EFCAB5: variants seen among roughly 807,000 people sequenced by gnomAD.
The protein encoded by EFCAB5 is EF-hand calcium binding domain 5, also known as EF-hand calcium-binding domain-containing protein 5.
A neutral mutation model predicts 167.9 loss-of-function variants in EFCAB5; 131 were observed. The observed-to-expected ratio is 0.78, with a 90% CI of 0.68 to 0.90. EFCAB5 has a LOEUF of 0.90. EFCAB5 is among the 40% of genes least tolerant of loss of function. The probability of loss-of-function intolerance (pLI) is 0.00; values close to 1 mark genes in which losing one functional copy is unlikely to be tolerated. For missense variants in EFCAB5, 1,663 were observed against 1,745.2 expected (o/e 0.95, Z 0.84); for synonymous variants, 574 against 602.8 (o/e 0.95, Z 0.70).
In EFCAB5 at chr17:29,942,299, T is replaced by C. The variant is rs1326089380; in HGVS notation, c.102T>C (p.His34=). 6.3e-7 allele frequency: 1 copy of C among 1,585,640 alleles called. No individual in the cohort carries two copies. The highest frequency in any genetic ancestry group is 8.6e-7 in the Non-Finnish European group (1 of 1,165,846). ...ACTTAACTGAAGTGAAAGAGCTTCATGAGGTAGAGTTGGCATGAATAAATC... is the reference window on the plus strand; with the variant it reads ...ACTTAACTGAAGTGAAAGAGCTTCACGAGGTAGAGTTGGCATGAATAAATC... ...KWNLTEVKEL[H]ETLQSVPDVP... Residue 34 remains histidine, a synonymous_variant, in exon 2 of 23, where the codon CAT becomes CAC. Transcript: ENST00000394835.
chr17:29,941,998 C>T (rs2067305014), intron 1 of EFCAB5, among the ~76,000 whole-genome samples, 160 bp downstream of exon 1: 1 of 152,128 alleles, frequency 6.6e-6, no homozygotes. Context: ...TAAAAGGGGT[C>T]AAAATAACAG....
At chr17:30,062,249 G>A (rs914330025) in intron 14 of EFCAB5, among the ~76,000 whole-genome samples, 1 of 152,144 alleles carries the variant, frequency 6.6e-6, no homozygotes, top group African/African-American at 2.4e-5. Flanking sequence ...AATAACTGAG[G>A]GAGAGTGCCA....
chr17:30,043,413 G>GA (rs1186189768), intron 8 of EFCAB5, among the ~76,000 whole-genome samples: 37 of 145,080 alleles, frequency 2.6e-4, no homozygotes, highest in South Asian at 1.1e-3. Context: ...ATAAAGCAAG[G>GA]AAAAAAAAAA....
intron 1 of EFCAB5, among the ~76,000 whole-genome samples, chr17:29,931,400 T>C (rs2067192665): frequency 6.6e-6 from 1 of 152,182 alleles, no homozygotes; most frequent in South Asian, 2.1e-4. Context: ...TGCTGAGCCT[T>C]TGTTCTCTCC....
chr17:29,961,792 C>T (rs1288734889), intron 3 of EFCAB5, among the ~76,000 whole-genome samples: 1 of 152,102 alleles, frequency 6.6e-6, no homozygotes, highest in Non-Finnish European at 1.5e-5. Context: ...CACAGTCTCA[C>T]TATGTTGCCC....
At chr17:30,081,201 C>T (rs902455304) in intron 17 of EFCAB5, among the ~76,000 whole-genome samples, 2 of 152,220 alleles carry the variant, frequency 1.3e-5, no homozygotes, top group Non-Finnish European at 2.9e-5. Flanking sequence ...GCCTCAGCCT[C>T]ATGTGTCCCA....
chr17:29,973,774 C>T (rs996398460), intron 4 of EFCAB5, among the ~76,000 whole-genome samples: 1 of 151,074 alleles, frequency 6.6e-6, no homozygotes, highest in Non-Finnish European at 1.5e-5. Context: ...CCGCGCCTGG[C>T]CTGTATTTCC....
chr17:29,944,627 G>GT (rs1284512064), intron 3 of EFCAB5, among the ~76,000 whole-genome samples: 1,598 of 141,014 alleles, frequency 0.011, 26 homozygotes, highest in African/African-American at 0.027. Flanking sequence ...GTTTTGTTTT[G>GT]TTTTTTTTTT....
chr17:29,956,483 G>A (rs1314106256), intron 3 of EFCAB5, among the ~76,000 whole-genome samples: 1 of 152,260 alleles, frequency 6.6e-6, no homozygotes, highest in Non-Finnish European at 1.5e-5. Context: ...TTGAACAGCT[G>A]ACTGTCTGTG....
chr17:30,037,333 GT>G (rs1237923165), intron 8 of EFCAB5, among the ~76,000 whole-genome samples: 2 of 152,110 alleles, frequency 1.3e-5, no homozygotes, highest in Non-Finnish European at 2.9e-5. Flanking sequence ...AGACACCTGG[GT>G]TAGGACAAGG....
At chr17:30,046,121 T>G (rs895423700) in intron 8 of EFCAB5, among the ~76,000 whole-genome samples, 3 of 152,198 alleles carry the variant, frequency 2.0e-5, no homozygotes, top group Non-Finnish European at 2.9e-5. Flanking sequence ...GAGGAATTAT[T>G]GACTAAGAAA....
chr17:30,003,859 A>T (rs2068719791), intron 7 of EFCAB5, among the ~76,000 whole-genome samples: 1 of 152,084 alleles, frequency 6.6e-6, no homozygotes, highest in South Asian at 2.1e-4. Context: ...ACAATATGTG[A>T]TCTTCTGTTT....
At position 30,090,585 on chromosome 17, in the gene EFCAB5, A is replaced by G. The variant is rs747821516; in HGVS notation, c.3848A>G (p.Asp1283Gly). ...ATGTTGTTGTGTCAAGAATATAAAG[A>G]TCTACAGAAAATGATGAAAGTGGTC... is the stretch of plus-strand genomic sequence containing the variant. ...NRMLLCQEYK[D>G]LQKMMKVVQV... is the part of the protein sequence containing the mutation. The change falls in exon 20 of 23, where the codon GAT becomes GGT. Residue 1283 changes from aspartate (D) to glycine (G), a missense_variant. By Grantham distance (94) the Asp-to-Gly change is moderately conservative. Transcript: ENST00000394835. The G allele has an allele frequency of 3.1e-6, 5 of 1,613,988 alleles. No homozygotes were observed. In the South Asian group the frequency reaches 5.5e-5, roughly 18 times the overall value.
intron 4 of EFCAB5, among the ~76,000 whole-genome samples, chr17:29,971,052 C>A (rs545329196): frequency 6.9e-6 from 1 of 145,198 alleles, no homozygotes; most frequent in African/African-American, 2.5e-5. Flanking sequence ...CCAGCCTGGG[C>A]AACAGAGTGA....
In EFCAB5 at chr17:29,973,247, A is replaced by G. The variant is rs141877153; in HGVS notation, c.767+3880A>G. On this transcript the variant is annotated intron_variant, in intron 4 of 22. Coordinates refer to ENST00000394835, the MANE Select transcript of EFCAB5 (RefSeq NM_198529.4). ...CCACAAACTTTATGTGCCTTTCTGTATCTTAGCCAGCACAAGATTGGGCCA... is the reference window on the plus strand; with the variant it reads ...CCACAAACTTTATGTGCCTTTCTGTGTCTTAGCCAGCACAAGATTGGGCCA... Among the ~76,000 whole-genome samples, 400 of 152,258 alleles carry G rather than the reference A, an allele frequency of 2.6e-3. 1 individual carries two copies. The highest frequency in any genetic ancestry group is 3.8e-3 in the Non-Finnish European group (256 of 68,030).
At position 29,993,262 on chromosome 17, in the gene EFCAB5, C is replaced by T; in HGVS notation, c.865C>T (p.Leu289=). 1.2e-6 allele frequency: 2 copies of T among 1,613,898 alleles called. No homozygotes were observed. Among genetic ancestry groups the T allele is most frequent in the African/African-American group, 1.3e-5 (1 of 75,040 alleles). ...VKVANTRKQA[L]QEQFDEWILD... is the part of the protein sequence containing the mutation. ...GGTGGCCAACACACGGAAACAGGCT[C>T]TGCAGGAGCAATTCGATGAATGGAT... Residue 289 remains leucine, a synonymous_variant, in exon 5 of 23, where the codon CTG becomes TTG. Transcript: ENST00000394835.
chr17:30,014,652 G>A (rs1259579714), intron 7 of EFCAB5, among the ~76,000 whole-genome samples: 2 of 152,034 alleles, frequency 1.3e-5, no homozygotes, highest in African/African-American at 2.4e-5. Flanking sequence ...CCATTTGCTT[G>A]GTAGATCTTC....
intron 7 of EFCAB5, among the ~76,000 whole-genome samples, chr17:30,033,393 A>T (rs2069533268): frequency 6.6e-6 from 1 of 152,148 alleles, no homozygotes; most frequent in South Asian, 2.1e-4. Context: ...CACACTTTAA[A>T]AGGAGTGCAC....
intron 22 of EFCAB5, among the ~76,000 whole-genome samples, chr17:30,099,719 T>C (rs891154515): frequency 2.6e-5 from 4 of 152,158 alleles, no homozygotes; most frequent in African/African-American, 4.8e-5. Flanking sequence ...TGCACAAAGG[T>C]GCTCTGCTGA....
Sources: gnomAD v4.1 joint callset for allele counts (sites outside exome capture counted in the v4.1 genomes callset) on GRCh38, gnomAD v4.1.1 for gene constraint, MANE v1.5 for transcripts, NCBI Gene and HGNC (gene_info 2026-07-23, HGNC 2026-07-21) for gene names.